The following DNAH12 variants were observed in gnomAD, a reference collection of about 807,000 sequenced individuals.
The protein encoded by DNAH12 is axonemal beta dynein heavy chain 12.
In DNAH12, 285 loss-of-function variants were observed where a neutral mutation model predicts 371.5. The ratio of observed to expected loss-of-function variants is 0.77; its 90% CI spans 0.70 to 0.85. The LOEUF is 0.85. Ranked by LOEUF, DNAH12 falls within the 40% of genes least tolerant of loss-of-function variation. The probability of loss-of-function intolerance (pLI) is 0.00; values close to 1 mark genes in which losing one functional copy is unlikely to be tolerated. For synonymous variants in DNAH12, 1,200 were observed against 1,213.0 expected (o/e 0.99, Z 0.22); for missense variants, 3,611 against 3,689.4 (o/e 0.98, Z 0.55).
At chr3:57,302,567 ATTTTTT>A (rs71088056) in intron 69 of DNAH12, among the ~76,000 whole-genome samples, 7 of 27,486 alleles carry the variant, frequency 2.5e-4, no homozygotes, top group Non-Finnish European at 3.2e-4. Flanking sequence ...ATATATATGT[ATTTTTT>A]TTTTTTTTTT....
chr3:57,498,495 A>G (rs2067393712), intron 11 of DNAH12: 1 of 714,676 alleles, frequency 1.4e-6, no homozygotes, highest in South Asian at 1.5e-5. Flanking sequence ...CAGTTTCTTA[A>G]AAAGTTAAAA....
intron 35 of DNAH12, among the ~76,000 whole-genome samples, chr3:57,424,505 C>T (rs1025019329): frequency 6.8e-6 from 1 of 146,572 alleles, no homozygotes; most frequent in African/African-American, 2.6e-5. Flanking sequence ...TTGCCAGGCG[C>T]GGTGGCTCAC....
At chr3:57,481,691 C>A (rs900158068) in intron 13 of DNAH12, among the ~76,000 whole-genome samples, 6 of 152,104 alleles carry the variant, frequency 3.9e-5, no homozygotes, top group African/African-American at 1.4e-4. Context: ...CTACAGTAAC[C>A]AAAACAGCAT....
chr3:57,323,723 C>CA, intron 62 of DNAH12, 104 bp from the exon 63 acceptor site: 5 of 1,192,326 alleles, frequency 4.2e-6, no homozygotes, highest in South Asian at 2.1e-5. Context: ...GCCTAATGGT[C>CA]AAAAAAAGCA....
At chr3:57,358,790 CTT>C (rs1399476370) in intron 58 of DNAH12, among the ~76,000 whole-genome samples, 5 of 151,962 alleles carry the variant, frequency 3.3e-5, no homozygotes, top group East Asian at 1.9e-4. Context: ...GGAAATATAA[CTT>C]TTATTTTTTT....
intron 59 of DNAH12, among the ~76,000 whole-genome samples, chr3:57,356,074 T>A (rs1460038548): frequency 6.6e-6 from 1 of 152,144 alleles, no homozygotes; most frequent in African/African-American, 2.4e-5. Context: ...TGAGGTGTAA[T>A]CCCCAACTCC....
chr3:57,351,004 C>T (rs1352726575), intron 60 of DNAH12, among the ~76,000 whole-genome samples: 3 of 150,420 alleles, frequency 2.0e-5, no homozygotes, highest in African/African-American at 7.3e-5. Context: ...GGTGCAGTGG[C>T]TCACACCTGT....
chr3:57,376,111 C>G (rs1389267292), intron 53 of DNAH12, 146 bp from the exon 54 acceptor site: 1 of 151,892 alleles, frequency 6.6e-6, no homozygotes, highest in Non-Finnish European at 1.5e-5. Context: ...AGGTTGGAAC[C>G]CTTCTAGCTC....
At position 57,470,652 on chromosome 3, in the gene DNAH12, T is replaced by C. The variant is rs1386091586; in HGVS notation, c.1912-16A>G. The C allele has an allele frequency of 2.6e-6, 4 of 1,510,540 alleles. No homozygotes were observed. The East Asian group carries it at 7.4e-5, about 28-fold the overall frequency. The allele number at this position is 1,510,540 out of a possible 1,614,324, so 93.6% of individuals were successfully genotyped here. A position where few individuals can be genotyped will look rare whatever the true frequency, so the allele number is the denominator to read the frequency against. On this transcript the variant is annotated splice_polypyrimidine_tract_variant and intron_variant, in intron 15 of 73. Transcript: ENST00000495027. ...CTGTCACATACTGAAAGTAAATAAGTTTTTTGTCTTAAAAAAAATTCAAGT... is the reference window on the plus strand; with the variant it reads ...CTGTCACATACTGAAAGTAAATAAGCTTTTTGTCTTAAAAAAAATTCAAGT...
At chr3:57,545,369 G>C (rs953481143), upstream of DNAH12, among the ~76,000 whole-genome samples, 1 of 150,258 alleles carries the variant, frequency 6.7e-6, no homozygotes, top group Admixed American at 6.6e-5. Context: ...ATGTTGGTCA[G>C]GCTGGTCTTG....
intron 51 of DNAH12, among the ~76,000 whole-genome samples, chr3:57,379,578 C>T (rs2063344500): frequency 6.6e-6 from 1 of 152,020 alleles, no homozygotes; most frequent in Non-Finnish European, 1.5e-5. Flanking sequence ...CAGTGGCTCA[C>T]ACCTGTAATC....
intron 69 of DNAH12, among the ~76,000 whole-genome samples, chr3:57,306,584 G>T (rs1303799809): frequency 6.6e-6 from 1 of 151,886 alleles, no homozygotes; most frequent in Non-Finnish European, 1.5e-5. Context: ...ACAAGTATAG[G>T]ACACTGCTAC....
At chr3:57,352,616 T>A (rs1267354610) in intron 59 of DNAH12, among the ~76,000 whole-genome samples, 1 of 151,620 alleles carries the variant, frequency 6.6e-6, no homozygotes, top group Non-Finnish European at 1.5e-5. Flanking sequence ...ATCCTAAATA[T>A]CTTATTCTGC....
intron 22 of DNAH12, among the ~76,000 whole-genome samples, chr3:57,455,620 T>C (rs553696687): frequency 3.6e-4 from 54 of 152,110 alleles, no homozygotes; most frequent in Non-Finnish European, 5.1e-4. Flanking sequence ...ATTATGTATA[T>C]TGATGCCAAG....
At chr3:57,508,254 C>G in intron 7 of DNAH12, 128 bp downstream of exon 7, 9 of 823,616 alleles carry the variant, frequency 1.1e-5, no homozygotes, top group Non-Finnish European at 1.5e-5. Context: ...AAACAAGATA[C>G]ATTTTTTTAA....
rs912763962 is a variant in DNAH12, at chr3:57,346,231, T to C, written c.9674+5854A>G. ...AATAATGGCTTGTTCAAAATAATAA[T>C]AGCAACAATGTATTTGGTGACTATA... is the stretch of plus-strand genomic sequence containing the variant. On this transcript the variant is annotated intron_variant, in intron 60 of 73. Transcript: ENST00000495027. Among the ~76,000 whole-genome samples, 9 of 152,138 alleles carry C rather than the reference T, an allele frequency of 5.9e-5. 1 individual carries two copies. The South Asian group carries it at 1.0e-3, about 18-fold the overall frequency.
intron 17 of DNAH12, among the ~76,000 whole-genome samples, chr3:57,467,045 A>G (rs2066224967): frequency 6.6e-6 from 1 of 152,072 alleles, no homozygotes; most frequent in African/African-American, 2.4e-5. Flanking sequence ...TACAGGTGTC[A>G]TCCGCTATAC....
At chr3:57,488,937 A>AGTGT (rs34379970) in intron 12 of DNAH12, among the ~76,000 whole-genome samples, 4,298 of 150,016 alleles carry the variant, frequency 0.029, 85 homozygotes, top group South Asian at 0.071. Flanking sequence ...AGAAATCCAA[A>AGTGT]GTGTGTGTGT....
chr3:57,342,206 A>G (rs1026155154), intron 60 of DNAH12, among the ~76,000 whole-genome samples: 1 of 152,184 alleles, frequency 6.6e-6, no homozygotes, highest in African/African-American at 2.4e-5. Flanking sequence ...TTGGTCCTGG[A>G]AAAGATTTTA....
Sources: allele counts gnomAD v4.1 joint callset (sites outside exome capture counted in the v4.1 genomes callset), GRCh38; gene constraint gnomAD v4.1.1; transcripts MANE v1.5; gene names NCBI Gene and HGNC (gene_info 2026-07-23, HGNC 2026-07-21).